Variants in IQGAP2 observed in about 807,000 individuals in gnomAD.
The protein encoded by IQGAP2 is ras GTPase-activating-like protein IQGAP2.
A neutral mutation model predicts 201.3 loss-of-function variants in IQGAP2; 173 were observed. That is an observed-to-expected ratio of 0.86 (90% CI 0.76 to 0.98). The LOEUF is 0.98. Among genes scored for constraint, IQGAP2 ranks in the 50% least tolerant of loss-of-function variants. The probability of loss-of-function intolerance (pLI) is 0.00; values close to 1 mark genes in which losing one functional copy is unlikely to be tolerated. For synonymous variants in IQGAP2, 675 were observed against 673.9 expected (o/e 1.00, Z -0.03); for missense variants, 1,687 against 1,864.8 (o/e 0.90, Z 1.76).
chr5:76,610,970 A>C, intron 12 of IQGAP2, 50 bp from the exon 13 acceptor site: 4 of 1,480,656 alleles, frequency 2.7e-6, no homozygotes, highest in Non-Finnish European at 3.7e-6. Flanking sequence ...ATACTAAAGA[A>C]GTTATAATGT....
chr5:76,693,527 A>T, intron 31 of IQGAP2, 85 bp downstream of exon 31: 1 of 893,844 alleles, frequency 1.1e-6, no homozygotes, highest in South Asian at 1.5e-5. Context: ...ATTATCTCAG[A>T]GAAACTGTAT....
intron 2 of IQGAP2, among the ~76,000 whole-genome samples, chr5:76,462,404 G>C (rs532483489): frequency 6.6e-6 from 1 of 152,234 alleles, no homozygotes; most frequent in Admixed American, 6.5e-5. Context: ...ACTCTTTTAG[G>C]CTTTTTAGAT....
At chr5:76,550,880 C>T (rs565507578) in intron 2 of IQGAP2, among the ~76,000 whole-genome samples, 2 of 152,320 alleles carry the variant, frequency 1.3e-5, no homozygotes, top group African/African-American at 2.4e-5. Context: ...ACCTCCTAGA[C>T]GGGGTGGCGG....
At chr5:76,669,228 T>G (rs1185386074) in intron 23 of IQGAP2, among the ~76,000 whole-genome samples, 1 of 152,244 alleles carries the variant, frequency 6.6e-6, no homozygotes, top group Non-Finnish European at 1.5e-5. Flanking sequence ...TAAACTACTT[T>G]TGCTAATTTA....
rs1258672435 is a variant in IQGAP2, at chr5:76,695,465, TGCCA to T, written c.4006_4009del (p.Ala1336ArgfsTer4). On this transcript the variant is annotated frameshift_variant, in exon 32 of 36. Transcript: ENST00000274364. LOFTEE classifies it high-confidence loss of function. ...TATTCTCTTTTCAGGAGGTAGACCA[TGCCA>T]CGGACATGGTGAGCCGTGCAATGAT... 1 of 1,613,842 alleles carries T rather than the reference TGCCA, an allele frequency of 6.2e-7. No individual in the cohort carries two copies. The highest frequency in any genetic ancestry group is 1.3e-5 in the African/African-American group (1 of 74,912).
In IQGAP2 at chr5:76,403,528, C is replaced by A; in HGVS notation, c.-18C>A. The A allele has an allele frequency of 6.7e-7, 1 of 1,488,748 alleles. No individual in the cohort carries two copies. The highest frequency in any genetic ancestry group is 1.3e-5 in the South Asian group (1 of 78,214). 92.2% of individuals were successfully genotyped at this position (1,488,748 alleles called of 1,614,324 possible). Reference sequence around the variant, plus strand: ...CCGCGGGGGGCGCGCCCCGGGCGGGCCCCCGGAGACGCGCAGGATGCCACA... The same window carrying A: ...CCGCGGGGGGCGCGCCCCGGGCGGGACCCCGGAGACGCGCAGGATGCCACA... On this transcript the variant is annotated 5_prime_UTR_variant, in exon 1 of 36. Coordinates refer to ENST00000274364, the MANE Select transcript of IQGAP2 (RefSeq NM_006633.5). The surrounding 1 kb of genome is among the most constrained non-coding windows in gnomAD (Gnocchi z 4.8).
At chr5:76,618,826 T>C (rs190033010) in intron 13 of IQGAP2, among the ~76,000 whole-genome samples, 2 of 152,344 alleles carry the variant, frequency 1.3e-5, no homozygotes, top group Admixed American at 1.3e-4. Context: ...AGAACAACAC[T>C]ATCTTGTGCG....
intron 2 of IQGAP2, among the ~76,000 whole-genome samples, chr5:76,554,449 G>A (rs1221521655): frequency 6.6e-6 from 1 of 152,040 alleles, no homozygotes; most frequent in Non-Finnish European, 1.5e-5. Flanking sequence ...AATATGTAAG[G>A]AACTCTTATA....
At chr5:76,704,694 G>A (rs1311160109) in intron 35 of IQGAP2, among the ~76,000 whole-genome samples, 4 of 152,190 alleles carry the variant, frequency 2.6e-5, no homozygotes, top group Admixed American at 6.5e-5. Flanking sequence ...CCCTGGGCAT[G>A]GGACCCTGTG....
At chr5:76,456,611 A>G (rs955059276) in intron 1 of IQGAP2, among the ~76,000 whole-genome samples, 20 of 152,208 alleles carry the variant, frequency 1.3e-4, no homozygotes, top group African/African-American at 4.6e-4. Flanking sequence ...CATCTCTGAT[A>G]ACTATTCTTT....
At position 76,683,153 on chromosome 5, in the gene IQGAP2, A is replaced by C; in HGVS notation, c.3699A>C (p.Lys1233Asn). 6.2e-7 allele frequency: 1 copy of C among 1,612,426 alleles called. No homozygotes were observed. Among genetic ancestry groups the C allele is most frequent in the African/African-American group, 1.3e-5 (1 of 74,938 alleles). The stretch of plus-strand genomic sequence containing the variant: ...ACCAGGATGCAATTGCCCCTGAGAA[A>C]AATGACTTACTGAGTGAATTGCTGG... ...LEHQDAIAPEKNDLLSELLGS... is the reference protein window; with the variant it reads ...LEHQDAIAPENNDLLSELLGS... Residue 1233 changes from lysine (K) to asparagine (N), a missense_variant, in exon 29 of 36, where the codon AAA (lysine) becomes AAC (asparagine). By Grantham distance (94) the Lys-to-Asn change is moderately conservative. Transcript: ENST00000274364.
intron 1 of IQGAP2, among the ~76,000 whole-genome samples, chr5:76,439,611 T>C (rs982528836): frequency 2.0e-5 from 3 of 152,204 alleles, no homozygotes; most frequent in Non-Finnish European, 4.4e-5. Flanking sequence ...TTGTCTTTTT[T>C]TTTCTTTTTT....
intron 15 of IQGAP2, among the ~76,000 whole-genome samples, chr5:76,636,504 T>C (rs1373410493): frequency 6.6e-6 from 1 of 152,238 alleles, no homozygotes; most frequent in African/African-American, 2.4e-5. Context: ...CCCACTTTAG[T>C]TGACCTTTGT....
Position 76,637,180 on chromosome 5 carries a change from G to A in IQGAP2, c.1923+4G>A. On this transcript the variant is annotated splice_donor_region_variant and intron_variant, in intron 16 of 35. Coordinates refer to ENST00000274364, the MANE Select transcript of IQGAP2 (RefSeq NM_006633.5). ...GCTCACAGGAAAAGAAATCGAGGTAGGAGGTTGGTGTTTGATGGATAACTC... is the reference window on the plus strand; with the variant it reads ...GCTCACAGGAAAAGAAATCGAGGTAAGAGGTTGGTGTTTGATGGATAACTC... 6.3e-7 allele frequency: 1 copy of A among 1,598,288 alleles called. No homozygotes were observed. The highest frequency in any genetic ancestry group is 2.2e-5 in the East Asian group (1 of 44,574).
At chr5:76,592,377 C>G (rs1746720388) in intron 8 of IQGAP2, among the ~76,000 whole-genome samples, 1 of 152,094 alleles carries the variant, frequency 6.6e-6, no homozygotes, top group Non-Finnish European at 1.5e-5. Flanking sequence ...TGCTCGAAGC[C>G]CTCATTGATT....
intron 1 of IQGAP2, among the ~76,000 whole-genome samples, chr5:76,444,144 G>T (rs1212908084): frequency 6.6e-6 from 1 of 152,150 alleles, no homozygotes; most frequent in East Asian, 1.9e-4. Flanking sequence ...CCATCACATT[G>T]GGAGGCCAAG....
rs566366328 is a variant in IQGAP2 at position 76,690,522 on chromosome 5, T to C, written c.3906-2833T>C. On this transcript the variant is annotated intron_variant, in intron 30 of 35. Coordinates refer to ENST00000274364, the MANE Select transcript of IQGAP2 (RefSeq NM_006633.5). ...CCTAAGACTAACCAGGTTTCATGAC[T>C]GGGTGGCCCTGGAAGGCAGGCCTCT... Among the ~76,000 whole-genome samples, 3 of 152,304 alleles carry C rather than the reference T, an allele frequency of 2.0e-5. No individual in the cohort carries two copies. In the East Asian group the frequency reaches 5.8e-4, roughly 29 times the overall value.
intron 9 of IQGAP2, among the ~76,000 whole-genome samples, chr5:76,593,900 C>T (rs1164012147): frequency 6.6e-6 from 1 of 152,208 alleles, no homozygotes; most frequent in Non-Finnish European, 1.5e-5. Flanking sequence ...AAGAAGTCTG[C>T]TCCTAAATTG....
intron 17 of IQGAP2, among the ~76,000 whole-genome samples, chr5:76,650,440 G>A (rs1752426979): frequency 6.6e-6 from 1 of 152,180 alleles, no homozygotes; most frequent in African/African-American, 2.4e-5. Flanking sequence ...TCTAGATATT[G>A]AGGTACAGAT....
Sources: allele counts gnomAD v4.1 joint callset (sites outside exome capture counted in the v4.1 genomes callset), GRCh38; gene constraint gnomAD v4.1.1; non-coding constraint Gnocchi (gnomAD v3.1); transcripts MANE v1.5; gene names NCBI Gene and HGNC (gene_info 2026-07-23, HGNC 2026-07-21).